ANXA8: variants seen among roughly 807,000 people sequenced by gnomAD.
The protein encoded by ANXA8 is annexin A8, also known as VAC-beta.
A neutral mutation model predicts 26.8 loss-of-function variants in ANXA8; 9 were observed. The ratio of observed to expected loss-of-function variants is 0.34; its 90% CI spans 0.20 to 0.59. ANXA8 has a LOEUF of 0.59. Ranked by LOEUF, ANXA8 falls within the 20% of genes least tolerant of loss-of-function variation. ANXA8 has a pLI of 0.84. For missense variants in ANXA8, 83 were observed against 238.5 expected, an observed-to-expected ratio of 0.35 and a Z score of 4.29; for synonymous variants, 39 against 94.8, an observed-to-expected ratio of 0.41 and a Z score of 3.42.
chr10:47,564,529 G>A, the ANXA8 span: 12 of 586,330 alleles, frequency 2.0e-5, no homozygotes, highest in Non-Finnish European at 3.0e-5. Context: ...TATGACCAGA[G>A]CACGCGGCCG....
the ANXA8 span, among the ~76,000 whole-genome samples, chr10:47,705,828 T>C: frequency 6.6e-6 from 1 of 151,826 alleles, no homozygotes. Context: ...AACCGGGTCA[T>C]GACGCAGCGA....
chr10:47,526,717 C>G, the ANXA8 span, among the ~76,000 whole-genome samples: 2 of 142,152 alleles, frequency 1.4e-5, no homozygotes, highest in Non-Finnish European at 3.0e-5. Context: ...GTGTAGTGGT[C>G]TGTATAATAA....
chr10:47,483,848 G>A (rs1839949016), intron 1 of ANXA8, 65 bp downstream of exon 1: 3 of 1,611,262 alleles, frequency 1.9e-6, no homozygotes, highest in African/African-American at 2.7e-5. Flanking sequence ...CATTTCTCAG[G>A]ACTCCCTGGT....
chr10:47,695,596 G>T, the ANXA8 span, among the ~76,000 whole-genome samples: 8 of 151,562 alleles, frequency 5.3e-5, no homozygotes, highest in African/African-American at 1.9e-4. Context: ...CTGAGGAAAG[G>T]GTCTGGAATC....
the ANXA8 span, among the ~76,000 whole-genome samples, chr10:47,958,445 C>T: frequency 2.0e-5 from 3 of 146,476 alleles, no homozygotes; most frequent in Non-Finnish European, 4.5e-5. Context: ...AGCCACTGCA[C>T]TCCAGCCTGG....
chr10:47,772,056 T>C, the ANXA8 span, among the ~76,000 whole-genome samples: 1 of 151,684 alleles, frequency 6.6e-6, no homozygotes, highest in African/African-American at 2.4e-5. Flanking sequence ...CCACTTTCTT[T>C]GTATAAGCAA....
At chr10:47,698,094 TCTA>T in the ANXA8 span, among the ~76,000 whole-genome samples, 2 of 151,398 alleles carry the variant, frequency 1.3e-5, no homozygotes, top group African/African-American at 2.4e-5. Flanking sequence ...AGAGGGACAA[TCTA>T]CTGCTACTGG....
At chr10:47,489,239 C>T in the ANXA8 span, among the ~76,000 whole-genome samples, 9 of 126,698 alleles carry the variant, frequency 7.1e-5, no homozygotes, top group East Asian at 1.7e-3. Flanking sequence ...AGGATGGTCT[C>T]GATCTCCTGA....
the ANXA8 span, among the ~76,000 whole-genome samples, chr10:47,567,580 A>G: frequency 2.6e-5 from 4 of 151,846 alleles, no homozygotes; most frequent in South Asian, 6.2e-4. Flanking sequence ...TGTTCCTGTC[A>G]TCCCTCCTTT....
the ANXA8 span, among the ~76,000 whole-genome samples, chr10:47,748,458 T>C: frequency 6.6e-6 from 1 of 151,976 alleles, no homozygotes; most frequent in Non-Finnish European, 1.5e-5. Context: ...GGTGATCCAC[T>C]GGCCTTGGCC....
chr10:47,669,123 G>T, the ANXA8 span, among the ~76,000 whole-genome samples: 1 of 151,806 alleles, frequency 6.6e-6, no homozygotes, highest in Non-Finnish European at 1.5e-5. Context: ...CCTCCTGAGG[G>T]AATAATCCTC....
chr10:47,744,439 A>AGGGGGGGGGGGGGGGGGGGGGGGG, the ANXA8 span, among the ~76,000 whole-genome samples: 1 of 23,786 alleles, frequency 4.2e-5, no homozygotes, highest in African/African-American at 1.9e-4. Flanking sequence ...GGAGGGGGGA[A>AGGGGGGGGGGGGGGGGGGGGGGGG]GAGGGGGGGC....
chr10:47,894,865 TCA>T, the ANXA8 span, among the ~76,000 whole-genome samples: 1 of 151,288 alleles, frequency 6.6e-6, no homozygotes, highest in African/African-American at 2.4e-5. Context: ...CACATGCCAC[TCA>T]CATACCCTAC....
At chr10:47,580,962 G>A in the ANXA8 span, among the ~76,000 whole-genome samples, 3 of 150,100 alleles carry the variant, frequency 2.0e-5, 1 homozygote, top group Non-Finnish European at 4.4e-5. Context: ...TGTAACCCCA[G>A]CTACTTGGGA....
chr10:47,493,110 G>A, the ANXA8 span, among the ~76,000 whole-genome samples: 1 of 151,540 alleles, frequency 6.6e-6, no homozygotes, highest in African/African-American at 2.4e-5. Context: ...CCCCACACAT[G>A]CCATTGCTGT....
the ANXA8 span, among the ~76,000 whole-genome samples, chr10:47,646,181 C>T: frequency 6.9e-6 from 1 of 144,942 alleles, no homozygotes; most frequent in Non-Finnish European, 1.5e-5. Flanking sequence ...AGTTATCTAT[C>T]TCATTTATGG....
At chr10:47,548,734 A>G in the ANXA8 span, among the ~76,000 whole-genome samples, 1 of 151,602 alleles carries the variant, frequency 6.6e-6, no homozygotes, top group Admixed American at 6.6e-5. Context: ...ATAAACTCTG[A>G]CCACTTCTTC....
At chr10:47,691,085 T>C in the ANXA8 span, 2 of 1,611,238 alleles carry the variant, frequency 1.2e-6, no homozygotes, top group Non-Finnish European at 1.7e-6. Flanking sequence ...AAACATAAAA[T>C]TCGGACCAAA....
At chr10:47,548,435 G>A in the ANXA8 span, among the ~76,000 whole-genome samples, 2 of 151,428 alleles carry the variant, frequency 1.3e-5, no homozygotes. Context: ...CTAAGTAACT[G>A]GGATTACAGG....
Sources: gnomAD v4.1 joint callset for allele counts (sites outside exome capture counted in the v4.1 genomes callset) on GRCh38, gnomAD v4.1.1 for gene constraint, MANE v1.5 for transcripts, NCBI Gene and HGNC (gene_info 2026-07-23, HGNC 2026-07-21) for gene names.